Variants in SCAI observed in about 807,000 individuals in gnomAD.
SCAI encodes the protein protein SCAI.
A neutral mutation model predicts 92.2 loss-of-function variants in SCAI; 24 were observed. The observed-to-expected ratio is 0.26, with a 90% confidence interval of 0.19 to 0.37. The LOEUF is 0.37. Among genes scored for constraint, SCAI ranks in the 10% least tolerant of loss-of-function variants. The pLI is 1.00. For missense variants in SCAI, 450 were observed against 736.2 expected, an observed-to-expected ratio of 0.61 and a Z score of 4.50; for synonymous variants, 261 against 258.6, an observed-to-expected ratio of 1.01 and a Z score of -0.09.
At chr9:125,053,063 T>C (rs1391201020) in intron 3 of SCAI, among the ~76,000 whole-genome samples, 3 of 152,254 alleles carry the variant, frequency 2.0e-5, no homozygotes, top group Non-Finnish European at 2.9e-5. Context: ...CCTTGGTATA[T>C]GGCCAAGAGA....
chr9:125,085,435 C>T (rs977558772), intron 2 of SCAI, among the ~76,000 whole-genome samples: 6 of 151,836 alleles, frequency 4.0e-5, no homozygotes, highest in Non-Finnish European at 8.8e-5. Flanking sequence ...TGCAGTGAGC[C>T]GAGAGTGCAC....
intron 3 of SCAI, among the ~76,000 whole-genome samples, chr9:125,049,726 G>A (rs1027536979): frequency 3.9e-5 from 6 of 152,164 alleles, no homozygotes; most frequent in African/African-American, 9.7e-5. Context: ...TTAATATAAT[G>A]TGGAAAGACA....
intron 2 of SCAI, among the ~76,000 whole-genome samples, chr9:125,124,680 C>T (rs370784617): frequency 1.8e-4 from 28 of 152,178 alleles, no homozygotes; most frequent in African/African-American, 6.0e-4. Flanking sequence ...CCAGAAACAT[C>T]CTCACAGACA....
intron 3 of SCAI, among the ~76,000 whole-genome samples, chr9:125,055,454 A>G (rs1453891909): frequency 6.6e-6 from 1 of 152,192 alleles, no homozygotes; most frequent in African/African-American, 2.4e-5. Flanking sequence ...CTTTAGGCAC[A>G]GACATTTCAT....
chr9:124,987,728 G>A (rs1832026420), intron 14 of SCAI, among the ~76,000 whole-genome samples: 1 of 152,070 alleles, frequency 6.6e-6, no homozygotes, highest in African/African-American at 2.4e-5. Context: ...TTGGGAGGCC[G>A]AGCTGAGTGG....
intron 2 of SCAI, among the ~76,000 whole-genome samples, chr9:125,123,803 A>C (rs780982867): frequency 6.6e-6 from 1 of 152,126 alleles, no homozygotes; most frequent in Non-Finnish European, 1.5e-5. Flanking sequence ...AAACAAACAA[A>C]AGTCCTAACT....
chr9:125,030,330 A>T (rs1329161902), intron 3 of SCAI, among the ~76,000 whole-genome samples: 1 of 152,214 alleles, frequency 6.6e-6, no homozygotes, highest in Non-Finnish European at 1.5e-5. Context: ...ATATCTTAGG[A>T]GAAAATTAAG....
intron 2 of SCAI, among the ~76,000 whole-genome samples, chr9:125,086,933 G>C (rs979232791): frequency 6.6e-6 from 1 of 152,180 alleles, no homozygotes; most frequent in Admixed American, 6.5e-5. Flanking sequence ...GTTTAGAAGA[G>C]AGTCTGGCAT....
intron 3 of SCAI, among the ~76,000 whole-genome samples, chr9:125,033,627 G>C (rs1833129266): frequency 6.6e-6 from 1 of 152,124 alleles, no homozygotes; most frequent in African/African-American, 2.4e-5. Context: ...GGTTCTTTTG[G>C]GGATAATGAA....
chr9:124,975,535 A>T (rs1311283969), intron 15 of SCAI: 2 of 260,480 alleles, frequency 7.7e-6, no homozygotes, highest in Admixed American at 9.1e-5. Context: ...TAAGGACAAA[A>T]AGTCTTTTGA....
chr9:125,106,867 A>ATT (rs3051151), intron 2 of SCAI, among the ~76,000 whole-genome samples: 1 of 135,656 alleles, frequency 7.4e-6, no homozygotes, highest in African/African-American at 2.7e-5. Context: ...TGCCTGGTTA[A>ATT]TTTTTTTTTT....
At chr9:125,060,669 A>T (rs1053407033) in intron 2 of SCAI, among the ~76,000 whole-genome samples, 7 of 152,144 alleles carry the variant, frequency 4.6e-5, no homozygotes, top group African/African-American at 1.7e-4. Context: ...TGGTTTTATC[A>T]GGGGTGTCCG....
intron 2 of SCAI, among the ~76,000 whole-genome samples, chr9:125,086,608 T>C (rs1834330173): frequency 6.6e-6 from 1 of 152,234 alleles, no homozygotes; most frequent in Non-Finnish European, 1.5e-5. Flanking sequence ...TCCAAAGCCT[T>C]AGCCAGACTG....
At chr9:125,011,741 A>C (rs1588150752) in intron 9 of SCAI, among the ~76,000 whole-genome samples, 2 of 152,358 alleles carry the variant, frequency 1.3e-5, no homozygotes, top group East Asian at 3.9e-4. Flanking sequence ...CAGATTCACC[A>C]AAGTTGAAAT....
At chr9:125,027,246 C>T (rs1832981722) in intron 5 of SCAI, among the ~76,000 whole-genome samples, 2 of 152,226 alleles carry the variant, frequency 1.3e-5, no homozygotes, top group Admixed American at 6.5e-5. Context: ...CAAATCCATA[C>T]AGTCCTTTGG....
At chr9:125,043,347 G>C (rs1833367094) in intron 3 of SCAI, among the ~76,000 whole-genome samples, 1 of 152,228 alleles carries the variant, frequency 6.6e-6, no homozygotes, top group African/African-American at 2.4e-5. Context: ...CCATGTTTCT[G>C]TGTTCATGTG....
intron 2 of SCAI, among the ~76,000 whole-genome samples, chr9:125,070,695 G>A (rs577603835): frequency 2.0e-4 from 31 of 152,152 alleles, no homozygotes; most frequent in East Asian, 9.6e-4. Context: ...CACCACACCA[G>A]GCCAAAACAA....
intron 2 of SCAI, among the ~76,000 whole-genome samples, chr9:125,103,420 T>C (rs1834717762): frequency 6.6e-6 from 1 of 152,172 alleles, no homozygotes; most frequent in Non-Finnish European, 1.5e-5. Flanking sequence ...AGATTTTTAA[T>C]AGTGAGATGG....
At chr9:125,077,152 T>C (rs1336392792) in intron 2 of SCAI, among the ~76,000 whole-genome samples, 1 of 152,220 alleles carries the variant, frequency 6.6e-6, no homozygotes, top group Non-Finnish European at 1.5e-5. Context: ...GGTCATATGA[T>C]GTATTCCGTC....
Sources: gnomAD v4.1 joint callset for allele counts (sites outside exome capture counted in the v4.1 genomes callset) on GRCh38, gnomAD v4.1.1 for gene constraint, MANE v1.5 for transcripts, NCBI Gene and HGNC (gene_info 2026-07-23, HGNC 2026-07-21) for gene names.